PPARD: variants seen among roughly 807,000 people sequenced by gnomAD.
PPARD encodes the protein peroxisome proliferator-activated receptor delta.
A neutral mutation model predicts 39.5 loss-of-function variants in PPARD; 6 were observed. The observed-to-expected ratio is 0.15, with a 90% CI of 0.08 to 0.30. The LOEUF (loss-of-function observed/expected upper bound fraction) is 0.30, where lower values mean the gene tolerates loss of function less well. Among genes scored for constraint, PPARD ranks in the 10% least tolerant of loss-of-function variants. The probability of loss-of-function intolerance (pLI) is 1.00; values close to 1 mark genes in which losing one functional copy is unlikely to be tolerated. For synonymous variants in PPARD, 210 were observed against 231.3 expected (o/e 0.91, Z 0.83); for missense variants, 397 against 596.8 (o/e 0.67, Z 3.49).
chr6:35,426,330 G>A lies in PPARD; in HGVS notation c.*251G>A. ...TCCTCTTTCTTTTCTAATTCCTGTT[G>A]CTCTGTTTCTTCCTTTCTGTAGGTT... On this transcript the variant is annotated 3_prime_UTR_variant, in exon 8 of 8. Transcript: ENST00000360694. 1.8e-6 allele frequency: 1 copy of A among 561,578 alleles called. No homozygotes were observed. The allele number at this position is 561,578 out of a possible 1,614,324, so 34.8% of individuals were successfully genotyped here.
intron 2 of PPARD, among the ~76,000 whole-genome samples, chr6:35,380,457 GTGTTTTTTTTTTTTGTT>G (rs1414995259): frequency 0.011 from 310 of 28,858 alleles, 8 homozygotes; most frequent in African/African-American, 0.043. Context: ...AATTAACCTC[GTGTTTTTTTTTTTTGTT>G]TGTTTTTTTT....
intron 2 of PPARD, among the ~76,000 whole-genome samples, chr6:35,372,405 C>G (rs1353379292): frequency 6.6e-6 from 1 of 152,210 alleles, no homozygotes; most frequent in African/African-American, 2.4e-5. Context: ...TCTTGAACTC[C>G]TGACCTCAGG....
chr6:35,392,300 C>T (rs1407409088), intron 2 of PPARD, among the ~76,000 whole-genome samples: 1 of 152,224 alleles, frequency 6.6e-6, no homozygotes. Context: ...GGTTCCTCCC[C>T]TGCATGTGGC....
chr6:35,372,377 C>T (rs1205601131), intron 2 of PPARD, among the ~76,000 whole-genome samples: 6 of 152,138 alleles, frequency 3.9e-5, no homozygotes, highest in African/African-American at 1.4e-4. Context: ...CGGGGTTTCA[C>T]CATGTTGGCC....
intron 1 of PPARD, among the ~76,000 whole-genome samples, chr6:35,343,404 A>G (rs901852964): frequency 9.2e-5 from 14 of 151,934 alleles, no homozygotes; most frequent in African/African-American, 2.2e-4. Context: ...CTTCGTATCA[A>G]TTCTGTCCCC....
chr6:35,393,506 A>G (rs76856784), intron 2 of PPARD, among the ~76,000 whole-genome samples: 1,927 of 152,202 alleles, frequency 0.013, 51 homozygotes, highest in African/African-American at 0.043. Flanking sequence ...GCATTTCCCT[A>G]TCTTATCCTG....
intron 2 of PPARD, among the ~76,000 whole-genome samples, chr6:35,372,477 C>G (rs1762539206): frequency 6.6e-6 from 1 of 152,234 alleles, no homozygotes; most frequent in African/African-American, 2.4e-5. Flanking sequence ...CCACGTCCAG[C>G]CCACTCTGAG....
At chr6:35,365,092 G>A (rs1396279593) in intron 2 of PPARD, among the ~76,000 whole-genome samples, 1 of 150,048 alleles carries the variant, frequency 6.7e-6, no homozygotes, top group Non-Finnish European at 1.5e-5. Flanking sequence ...TTATATCTTG[G>A]CCATCTTTGC....
At chr6:35,397,540 A>T in intron 2 of PPARD, 1 of 985,258 alleles carries the variant, frequency 1.0e-6, no homozygotes, top group Non-Finnish European at 1.2e-6. Flanking sequence ...AGGGTCAGAT[A>T]CCCCTGGAAA....
At chr6:35,348,410 T>C (rs1761018866) in intron 2 of PPARD, 1 of 985,296 alleles carries the variant, frequency 1.0e-6, no homozygotes, top group South Asian at 4.7e-5. Flanking sequence ...TGGGTTCCCA[T>C]TGCTGTTTCC....
intron 2 of PPARD, among the ~76,000 whole-genome samples, chr6:35,400,797 TAAA>T (rs570420109): frequency 1.4e-5 from 2 of 141,132 alleles, no homozygotes; most frequent in African/African-American, 2.6e-5. Flanking sequence ...GATCTTGTCT[TAAA>T]AAAAAAAAAA....
intron 2 of PPARD, among the ~76,000 whole-genome samples, chr6:35,355,598 CTTTTTTTTTTTTTT>C (rs1166499750): frequency 5.1e-4 from 17 of 33,466 alleles, no homozygotes; most frequent in African/African-American, 1.7e-3. Context: ...TCTTCTTCTT[CTTTTTTTTTTTTTT>C]TTTTTTTTTT....
At chr6:35,421,986 G>C in intron 5 of PPARD, 28 bp downstream of exon 5, 2 of 1,579,116 alleles carry the variant, frequency 1.3e-6, no homozygotes, top group South Asian at 2.3e-5. Context: ...CAACTCACGG[G>C]CTGCTGGCTC....
chr6:35,411,357 A>T, intron 3 of PPARD, 140 bp downstream of exon 3: 1 of 1,107,482 alleles, frequency 9.0e-7, no homozygotes, highest in Non-Finnish European at 1.2e-6. Context: ...GCCTGGGTTC[A>T]CGCCCAGTGC....
rs551946022 is a variant in PPARD, at chr6:35,365,130, C to CTTTTT, written c.-102+17996_-102+18000dup. On this transcript the variant is annotated intron_variant, in intron 2 of 7. Transcript: ENST00000360694. ...ACCAGACATGTAGAGCTTCCTTATT[C>CTTTTT]TTTTTTTTTTTTTTTTTTTTGAGAT... 7.8e-4 allele frequency among the ~76,000 whole-genome samples: 94 copies of CTTTTT among 121,062 alleles called. 5 individuals carry two copies. In the East Asian group the frequency reaches 9.6e-3, roughly 12 times the overall value. The allele number at this position is 121,062 out of a possible 152,430, so 79.4% of individuals were successfully genotyped here.
In PPARD at chr6:35,426,261, C is replaced by T. The variant is rs1325074025; in HGVS notation, c.*182C>T. 5.6e-6 allele frequency: 4 copies of T among 719,724 alleles called. No individual in the cohort carries two copies. The highest frequency in any genetic ancestry group is 9.0e-6 in the Non-Finnish European group (4 of 446,242). 44.6% of individuals were successfully genotyped at this position (719,724 alleles called of 1,614,324 possible). On this transcript the variant is annotated 3_prime_UTR_variant, in exon 8 of 8. Transcript: ENST00000360694. ...CCTGTGCCCTCTCTCCCGCTTCCTC[C>T]AGCCAGCTCTCTTCCTGTCTTTGTT...
chr6:35,394,887 T>C (rs1042832376), intron 2 of PPARD, among the ~76,000 whole-genome samples: 1 of 151,836 alleles, frequency 6.6e-6, no homozygotes, highest in Non-Finnish European at 1.5e-5. Flanking sequence ...ATTTGCTCCC[T>C]CATCTCAGCA....
At chr6:35,343,983 C>CTT (rs11420189) in intron 1 of PPARD, among the ~76,000 whole-genome samples, 29 of 150,688 alleles carry the variant, frequency 1.9e-4, no homozygotes, top group Admixed American at 8.6e-4. Flanking sequence ...GGCTCCAGAA[C>CTT]TTTTTTTTTT....
intron 2 of PPARD, among the ~76,000 whole-genome samples, chr6:35,376,679 A>G (rs1237821706): frequency 6.6e-6 from 1 of 152,048 alleles, no homozygotes; most frequent in East Asian, 1.9e-4. Context: ...CTAGTAGTGT[A>G]AGTTCAGTTT....
Sources: allele counts gnomAD v4.1 joint callset (sites outside exome capture counted in the v4.1 genomes callset), GRCh38; gene constraint gnomAD v4.1.1; transcripts MANE v1.5; gene names NCBI Gene and HGNC (gene_info 2026-07-23, HGNC 2026-07-21).